The following SLC16A12 variants were observed in gnomAD, a reference collection of about 807,000 sequenced individuals.
SLC16A12 encodes monocarboxylate transporter 12.
In SLC16A12, 17 loss-of-function variants were observed where a neutral mutation model predicts 42.4. The ratio of observed to expected loss-of-function variants is 0.40; its 90% confidence interval spans 0.27 to 0.60. The LOEUF (loss-of-function observed/expected upper bound fraction) is 0.60, where lower values mean the gene tolerates loss of function less well. Ranked by LOEUF, SLC16A12 falls within the 20% of genes least tolerant of loss-of-function variation. SLC16A12 has a pLI of 0.42. For missense variants in SLC16A12, 544 were observed against 623.0 expected (o/e 0.87, Z 1.35); for synonymous variants, 224 against 229.4 (o/e 0.98, Z 0.21).
chr10:89,492,229 C>G (rs1277674951), intron 2 of SLC16A12, among the ~76,000 whole-genome samples: 1 of 152,010 alleles, frequency 6.6e-6, no homozygotes, highest in Non-Finnish European at 1.5e-5. Flanking sequence ...CAATAGATAC[C>G]AAGATAAAAT....
rs552596606 is a variant in SLC16A12 at position 89,531,444 on chromosome 10, T to C, written c.-47+3057A>G. Among the ~76,000 whole-genome samples, 11 of 152,180 alleles carry C rather than the reference T, an allele frequency of 7.2e-5. No homozygotes were observed. The East Asian group carries it at 1.7e-3, about 24-fold the overall frequency. The stretch of plus-strand genomic sequence containing the variant: ...ATAGCAAAGTACAACTGGCATAAAC[T>C]GGACTGTAACCAAACACCGCTGTAA... On this transcript the variant is annotated intron_variant, in intron 2 of 7. Transcript: ENST00000371790.
intron 2 of SLC16A12, among the ~76,000 whole-genome samples, chr10:89,480,528 A>C (rs1842646832): frequency 6.6e-6 from 1 of 152,206 alleles, no homozygotes; most frequent in African/African-American, 2.4e-5. Flanking sequence ...ATAATTTTCC[A>C]AACTAAAAAG....
chr10:89,546,417 AT>A (rs1385110039), intron 2 of SLC16A12, among the ~76,000 whole-genome samples: 2 of 152,240 alleles, frequency 1.3e-5, no homozygotes, highest in African/African-American at 4.8e-5. Flanking sequence ...TATGTGGCCA[AT>A]AAACATATGA....
chr10:89,544,721 A>T (rs1843733435), intron 2 of SLC16A12, among the ~76,000 whole-genome samples: 1 of 152,198 alleles, frequency 6.6e-6, no homozygotes, highest in Non-Finnish European at 1.5e-5. Flanking sequence ...CCTGTTTCCA[A>T]TTGAGAAAAA....
chr10:89,543,666 CA>C (rs540302410), intron 2 of SLC16A12, among the ~76,000 whole-genome samples: 91 of 147,200 alleles, frequency 6.2e-4, no homozygotes, highest in African/African-American at 1.9e-3. Flanking sequence ...CTGTCTCTAC[CA>C]AAAAAAAAAG....
chr10:89,495,050 TA>T (rs1345899002), intron 2 of SLC16A12, among the ~76,000 whole-genome samples: 2 of 152,100 alleles, frequency 1.3e-5, no homozygotes, highest in Non-Finnish European at 2.9e-5. Flanking sequence ...TATATTACTC[TA>T]AAAACACTAG....
At chr10:89,510,472 C>T (rs1016364055) in intron 2 of SLC16A12, among the ~76,000 whole-genome samples, 1 of 152,268 alleles carries the variant, frequency 6.6e-6, no homozygotes, top group Admixed American at 6.5e-5. Flanking sequence ...CTGACAAAAA[C>T]AAGCAAGGGA....
intron 3 of SLC16A12, among the ~76,000 whole-genome samples, chr10:89,454,108 TC>T (rs1378829868): frequency 6.6e-6 from 1 of 151,698 alleles, no homozygotes; most frequent in Non-Finnish European, 1.5e-5. Flanking sequence ...AGCCTTGACC[TC>T]CCGGGCTCAA....
intron 2 of SLC16A12, among the ~76,000 whole-genome samples, chr10:89,474,985 G>T (rs1267276116): frequency 6.6e-6 from 1 of 152,206 alleles, no homozygotes; most frequent in African/African-American, 2.4e-5. Context: ...TAACTGTCAT[G>T]TTGGATGTTG....
At chr10:89,442,905 A>G (rs972700190) in intron 4 of SLC16A12, among the ~76,000 whole-genome samples, 13 of 152,340 alleles carry the variant, frequency 8.5e-5, no homozygotes, top group African/African-American at 3.1e-4. Flanking sequence ...TGGCTTGAAG[A>G]GATGAAAATT....
At chr10:89,525,076 C>G (rs1459319240) in intron 2 of SLC16A12, among the ~76,000 whole-genome samples, 1 of 152,118 alleles carries the variant, frequency 6.6e-6, no homozygotes, top group Non-Finnish European at 1.5e-5. Context: ...AAAAAATTCC[C>G]TGGGCGTGGC....
Position 89,433,059 on chromosome 10 carries a change from T to G in SLC16A12, c.*5A>C. The G allele has an allele frequency of 6.2e-7, 1 of 1,614,052 alleles. No homozygotes were observed. Among genetic ancestry groups the G allele is most frequent in the Non-Finnish European group, 8.5e-7 (1 of 1,179,998 alleles). ...CCTGAAGATTCTGGGGCTCAAGGCCTTTGGTCATGTGAGGCTGTAGCCAGG... is the reference window on the plus strand; with the variant it reads ...CCTGAAGATTCTGGGGCTCAAGGCCGTTGGTCATGTGAGGCTGTAGCCAGG... On this transcript the variant is annotated 3_prime_UTR_variant, in exon 8 of 8. Transcript: ENST00000371790.
chr10:89,487,995 T>TATACAC (rs770274570), intron 2 of SLC16A12, among the ~76,000 whole-genome samples: 35 of 122,984 alleles, frequency 2.8e-4, no homozygotes, highest in East Asian at 2.6e-3. Context: ...TATATATATA[T>TATACAC]ACACACACAC....
At chr10:89,527,836 G>T (rs1843480780) in intron 2 of SLC16A12, among the ~76,000 whole-genome samples, 1 of 145,372 alleles carries the variant, frequency 6.9e-6, no homozygotes, top group Non-Finnish European at 1.5e-5. Context: ...AGAGAGAAAA[G>T]AAAAAAAGAG....
chr10:89,511,589 G>C (rs189995491), intron 2 of SLC16A12, among the ~76,000 whole-genome samples: 2 of 152,228 alleles, frequency 1.3e-5, no homozygotes, highest in Non-Finnish European at 2.9e-5. Flanking sequence ...GGAGGGTGGA[G>C]GGGCTGGGGG....
intron 2 of SLC16A12, among the ~76,000 whole-genome samples, chr10:89,515,973 A>G (rs1843244547): frequency 6.6e-6 from 1 of 152,212 alleles, no homozygotes; most frequent in South Asian, 2.1e-4. Flanking sequence ...CAGACCAAGC[A>G]GAACGCCAAA....
chr10:89,517,635 T>C (rs778231113), intron 2 of SLC16A12, among the ~76,000 whole-genome samples: 3 of 152,088 alleles, frequency 2.0e-5, no homozygotes, highest in Non-Finnish European at 1.5e-5. Flanking sequence ...TAGAGGAATG[T>C]CATTACTTTT....
chr10:89,501,391 C>T (rs1258531448), intron 2 of SLC16A12, among the ~76,000 whole-genome samples: 1 of 152,084 alleles, frequency 6.6e-6, no homozygotes, highest in Non-Finnish European at 1.5e-5. Context: ...TCACATTATC[C>T]AATTTCAAAC....
chr10:89,441,784 C>G (rs1841915780), intron 4 of SLC16A12, among the ~76,000 whole-genome samples: 1 of 152,176 alleles, frequency 6.6e-6, no homozygotes, highest in South Asian at 2.1e-4. Context: ...CCCAGAAAAT[C>G]TAAGAAAAAT....
Sources: allele counts gnomAD v4.1 joint callset (sites outside exome capture counted in the v4.1 genomes callset), GRCh38; gene constraint gnomAD v4.1.1; transcripts MANE v1.5; gene names NCBI Gene and HGNC (gene_info 2026-07-23, HGNC 2026-07-21).